NCEH1: variants seen among roughly 807,000 people sequenced by gnomAD.
NCEH1 encodes the protein neutral cholesterol ester hydrolase 1, also known as 2-acetyl MAGE hydrolase.
In NCEH1, 9 loss-of-function variants were observed where a neutral mutation model predicts 25.4. The ratio of observed to expected loss-of-function variants is 0.35; its 90% CI spans 0.21 to 0.62. The LOEUF (loss-of-function observed/expected upper bound fraction) is 0.62, where lower values mean the gene tolerates loss of function less well. Among genes scored for constraint, NCEH1 ranks in the 20% least tolerant of loss-of-function variants. The pLI is 0.72. For missense variants in NCEH1, 412 were observed against 501.1 expected (o/e 0.82, Z 1.70); for synonymous variants, 200 against 199.8 (o/e 1.00, Z -0.01).
chr3:172,680,470 G>A (rs1712287499), intron 1 of NCEH1, among the ~76,000 whole-genome samples: 1 of 152,078 alleles, frequency 6.6e-6, no homozygotes, highest in African/African-American at 2.4e-5. Context: ...GGTTTGGTTT[G>A]TGTGCAACTT....
In NCEH1 at chr3:172,633,619, C is replaced by A; in HGVS notation, c.1083G>T (p.Leu361Phe). 2 of 1,614,190 alleles carry A rather than the reference C, an allele frequency of 1.2e-6. No individual in the cohort carries two copies. Among genetic ancestry groups the A allele is most frequent in the Non-Finnish European group, 1.7e-6 (2 of 1,180,028 alleles). The part of the protein sequence containing the change: ...RDDGIMYAKR[L>F]ESAGVEVTLD... ...GGGTCACCTCCACACCGGCACTCTC[C>A]AAACGCTTGGCATACATGATGCCAT... Residue 361 changes from leucine (L) to phenylalanine (F), a missense_variant, in exon 5 of 5, where the codon TTG (leucine) becomes TTT (phenylalanine). Leu to Phe is a conservative substitution (Grantham distance 22). Coordinates refer to ENST00000475381, the MANE Select transcript of NCEH1 (RefSeq NM_020792.6).
intron 1 of NCEH1, among the ~76,000 whole-genome samples, chr3:172,692,525 T>TTC (rs1271192935): frequency 3.8e-5 from 1 of 26,548 alleles, no homozygotes; most frequent in Non-Finnish European, 7.9e-5. Context: ...ACCTGGCTAA[T>TTC]TTTTTTTTTT....
intron 1 of NCEH1, among the ~76,000 whole-genome samples, chr3:172,681,422 T>C (rs1712368594): frequency 2.0e-5 from 3 of 152,148 alleles, no homozygotes; most frequent in Admixed American, 2.0e-4. Context: ...TTGAACACAA[T>C]AAACGTATCC....
intron 1 of NCEH1, among the ~76,000 whole-genome samples, chr3:172,707,686 C>T (rs547655437): frequency 6.6e-6 from 1 of 152,076 alleles, no homozygotes; most frequent in Non-Finnish European, 1.5e-5. Context: ...CCCGGGTTCA[C>T]GCCATTCTCC....
intron 1 of NCEH1, among the ~76,000 whole-genome samples, chr3:172,657,259 C>T (rs1431419293): frequency 6.6e-6 from 1 of 152,182 alleles, no homozygotes; most frequent in Non-Finnish European, 1.5e-5. Flanking sequence ...CTTGATCTAT[C>T]TTTCTCAAGC....
intron 1 of NCEH1, among the ~76,000 whole-genome samples, chr3:172,690,154 C>T (rs562703526): frequency 2.6e-5 from 4 of 152,202 alleles, no homozygotes; most frequent in South Asian, 4.1e-4. Context: ...CCACCCGCCT[C>T]GGCCTCCCAA....
chr3:172,706,252 A>G (rs1020160916), intron 1 of NCEH1, among the ~76,000 whole-genome samples: 1 of 152,150 alleles, frequency 6.6e-6, no homozygotes, highest in Non-Finnish European at 1.5e-5. Context: ...CTGAAGATAC[A>G]ACTTTATGGC....
intron 1 of NCEH1, among the ~76,000 whole-genome samples, chr3:172,701,448 C>CATTTTTTTTTTTTTTTT (rs1184829037): frequency 1.5e-5 from 1 of 65,514 alleles, no homozygotes; most frequent in African/African-American, 1.3e-4. Flanking sequence ...TGGTCTTTTG[C>CATTTTTTTTTTTTTTTT]CTTTTTTTTT....
chr3:172,690,093 C>T (rs550336659), intron 1 of NCEH1, among the ~76,000 whole-genome samples: 63 of 151,854 alleles, frequency 4.1e-4, no homozygotes, highest in Non-Finnish European at 7.4e-4. Context: ...TTAGTAGAGA[C>T]GGGGTTTCAC....
intron 1 of NCEH1, among the ~76,000 whole-genome samples, chr3:172,697,105 TTG>T (rs1237087136): frequency 3.3e-5 from 5 of 151,376 alleles, no homozygotes; most frequent in Admixed American, 6.6e-5. Flanking sequence ...TTTTTTTTTT[TTG>T]AAGTATAGAT....
At chr3:172,702,243 C>T (rs1713740136) in intron 1 of NCEH1, among the ~76,000 whole-genome samples, 1 of 152,210 alleles carries the variant, frequency 6.6e-6, no homozygotes, top group African/African-American at 2.4e-5. Context: ...TTACCATGGG[C>T]TAAACTAATT....
At chr3:172,665,764 C>G (rs930791096) in intron 1 of NCEH1, among the ~76,000 whole-genome samples, 1 of 152,232 alleles carries the variant, frequency 6.6e-6, no homozygotes, top group African/African-American at 2.4e-5. Flanking sequence ...GTGAGCAAGG[C>G]TCCATGGGTG....
chr3:172,707,083 A>T (rs1265512084), intron 1 of NCEH1, among the ~76,000 whole-genome samples: 2 of 152,136 alleles, frequency 1.3e-5, no homozygotes, highest in Admixed American at 1.3e-4. Context: ...ATATTGCCAA[A>T]CTGTTCTCCA....
At position 172,633,024 on chromosome 3, in the gene NCEH1, T is replaced by C. The variant is rs1469917949; in HGVS notation, c.*451A>G. On this transcript the variant is annotated 3_prime_UTR_variant, in exon 5 of 5. Transcript: ENST00000475381. The stretch of plus-strand genomic sequence containing the variant: ...TTGGTCCCCAGTACTGACCTGAAAG[T>C]GCACGCATTTAATACTGCTCTGAAC... The C allele has an allele frequency of 1.3e-5, 2 of 158,418 alleles. No homozygotes were observed. Among genetic ancestry groups the C allele is most frequent in the Non-Finnish European group, 2.8e-5 (2 of 71,866 alleles). 9.8% of individuals were successfully genotyped at this position (158,418 alleles called of 1,614,324 possible).
At chr3:172,668,197 A>G (rs1262626164) in intron 1 of NCEH1, among the ~76,000 whole-genome samples, 5 of 152,196 alleles carry the variant, frequency 3.3e-5, no homozygotes, top group South Asian at 4.1e-4. Flanking sequence ...GATGAGCAAT[A>G]TATCTCCTAT....
chr3:172,684,917 T>C (rs1019831044), intron 1 of NCEH1, among the ~76,000 whole-genome samples: 4 of 148,600 alleles, frequency 2.7e-5, no homozygotes, highest in South Asian at 2.1e-4. Context: ...GGAGGTGAGG[T>C]TGCAGTGAGC....
intron 1 of NCEH1, among the ~76,000 whole-genome samples, chr3:172,651,253 GA>G (rs1445436289): frequency 2.6e-5 from 4 of 152,274 alleles, no homozygotes; most frequent in African/African-American, 9.6e-5. Context: ...GAATTGCCTA[GA>G]AATGCTGGTG....
At chr3:172,676,371 C>T (rs1272172209) in intron 1 of NCEH1, among the ~76,000 whole-genome samples, 3 of 152,130 alleles carry the variant, frequency 2.0e-5, no homozygotes, top group Non-Finnish European at 4.4e-5. Flanking sequence ...ACCATGTGTG[C>T]CAAGTGTCAT....
chr3:172,637,838 G>A (rs897802140), intron 3 of NCEH1, among the ~76,000 whole-genome samples: 4 of 152,002 alleles, frequency 2.6e-5, no homozygotes, highest in Non-Finnish European at 4.4e-5. Context: ...GCAGTGAGCC[G>A]AGATGGTGCC....
Sources: gnomAD v4.1 joint callset for allele counts (sites outside exome capture counted in the v4.1 genomes callset) on GRCh38, gnomAD v4.1.1 for gene constraint, MANE v1.5 for transcripts, NCBI Gene and HGNC (gene_info 2026-07-23, HGNC 2026-07-21) for gene names.